Variants in DNAI7 observed in about 807,000 individuals in gnomAD.
DNAI7 encodes cancer susceptibility 1.
In DNAI7, 78 loss-of-function variants were observed where a neutral mutation model predicts 86.6. That is an observed-to-expected ratio of 0.90 (90% CI 0.75 to 1.09). The LOEUF (loss-of-function observed/expected upper bound fraction) is 1.09, where lower values mean the gene tolerates loss of function less well. DNAI7 is among the 50% of genes least tolerant of loss of function. DNAI7 has a pLI of 0.00. For missense variants in DNAI7, 753 were observed against 810.2 expected (o/e 0.93, Z 0.86); for synonymous variants, 274 against 273.0 (o/e 1.00, Z -0.04).
intron 9 of DNAI7, among the ~76,000 whole-genome samples, chr12:25,138,235 G>A (rs767110123): frequency 2.6e-5 from 4 of 152,158 alleles, no homozygotes; most frequent in Non-Finnish European, 2.9e-5. Flanking sequence ...AGGCCAAGAC[G>A]GGTGGATCAC....
At chr12:25,127,102 C>A (rs74705074) in intron 9 of DNAI7, among the ~76,000 whole-genome samples, 1 of 61,396 alleles carries the variant, frequency 1.6e-5, no homozygotes, top group African/African-American at 3.3e-5. Context: ...TCAATTGACT[C>A]TTTTTTGAAG....
At chr12:25,194,626 A>C (rs993987776) in intron 1 of DNAI7, among the ~76,000 whole-genome samples, 2 of 152,224 alleles carry the variant, frequency 1.3e-5, no homozygotes, top group Non-Finnish European at 2.9e-5. Flanking sequence ...TTGAATCACA[A>C]AACAATTCAT....
intron 9 of DNAI7, 79 bp from the exon 10 acceptor site, chr12:25,123,365 A>G (rs1319385197): frequency 4.7e-6 from 4 of 854,420 alleles, no homozygotes; most frequent in Non-Finnish European, 7.0e-6. Context: ...TCCAGTCCTC[A>G]CTTCAGATGC....
rs1462032362 is a variant in DNAI7, at chr12:25,123,223, T to C, written c.1066A>G (p.Thr356Ala). The change falls in exon 10 of 16, where the codon ACT becomes GCT. Residue 356 changes from threonine (T) to alanine (A), a missense_variant. Thr to Ala is a moderately conservative substitution (Grantham distance 58, BLOSUM62 0). Coordinates refer to ENST00000395987, the MANE Select transcript of DNAI7 (RefSeq NM_018272.5). ...TAATTTAGAATACCTGCTGAAACAG[T>C]TTCACTTAATACTTTCATCTCTCGT... is the stretch of plus-strand genomic sequence containing the variant. ...CEREMKVLSE[T>A]VSAAQLLLVE... The C allele has an allele frequency of 1.3e-6, 2 of 1,595,962 alleles. No homozygotes were observed. Among genetic ancestry groups the C allele is most frequent in the East Asian group, 2.3e-5 (1 of 44,420 alleles).
At chr12:25,169,507 C>A (rs561107727) in intron 2 of DNAI7, among the ~76,000 whole-genome samples, 10 of 152,234 alleles carry the variant, frequency 6.6e-5, no homozygotes, top group African/African-American at 2.4e-4. Flanking sequence ...TTCACACGGA[C>A]GAGAGTGAAA....
chr12:25,133,131 T>C (rs1403885018), intron 9 of DNAI7, among the ~76,000 whole-genome samples: 2 of 151,662 alleles, frequency 1.3e-5, no homozygotes, highest in African/African-American at 4.8e-5. Context: ...ATAGTTCAGT[T>C]TGTTTTTATA....
chr12:25,136,041 C>T (rs1208367771), intron 9 of DNAI7, among the ~76,000 whole-genome samples: 3 of 152,174 alleles, frequency 2.0e-5, no homozygotes, highest in East Asian at 3.9e-4. Flanking sequence ...CCCACACTAC[C>T]GCAGCTGATG....
At chr12:25,107,472 A>T (rs764658315), downstream of DNAI7, among the ~76,000 whole-genome samples, 23 of 152,220 alleles carry the variant, frequency 1.5e-4, no homozygotes, top group Non-Finnish European at 3.1e-4. Context: ...GTACATACAC[A>T]GACATCCACT....
intron 9 of DNAI7, among the ~76,000 whole-genome samples, chr12:25,124,708 A>T (rs552234205): frequency 1.3e-5 from 2 of 152,088 alleles, no homozygotes; most frequent in African/African-American, 4.8e-5. Flanking sequence ...TGTACAGATT[A>T]TCTCATCACC....
intron 9 of DNAI7, among the ~76,000 whole-genome samples, chr12:25,129,912 G>T (rs1475702038): frequency 6.6e-6 from 1 of 151,890 alleles, no homozygotes; most frequent in South Asian, 2.1e-4. Context: ...ACAGGTACCT[G>T]CCACCATACC....
rs750417970 is a variant in DNAI7 at position 25,119,262 on chromosome 12, C to T, written c.1279G>A (p.Glu427Lys). Residue 427 changes from glutamate (E) to lysine (K), a missense_variant, in exon 12 of 16, where the codon GAA becomes AAA. Transcript: ENST00000395987. Reference sequence around the variant, plus strand: ...TCTGTCTCAAACTCTTCTGTAGTTTCCGGAGGATATGTGTATTTCTGTAAT... The same window carrying T: ...TCTGTCTCAAACTCTTCTGTAGTTTTCGGAGGATATGTGTATTTCTGTAAT... ...EGLQKYTYPP[E>K]TTEEFETENA... The T allele has an allele frequency of 1.3e-5, 21 of 1,611,852 alleles. No homozygotes were observed. The highest frequency in any genetic ancestry group is 1.7e-4 in the Middle Eastern group (1 of 6,056).
At chr12:25,180,128 C>T (rs1350040521) in intron 2 of DNAI7, among the ~76,000 whole-genome samples, 1 of 152,182 alleles carries the variant, frequency 6.6e-6, no homozygotes, top group Non-Finnish European at 1.5e-5. Context: ...AGTAGCATTT[C>T]TACACACCAA....
chr12:25,113,441 A>G (rs1939404539), intron 13 of DNAI7, among the ~76,000 whole-genome samples: 1 of 152,084 alleles, frequency 6.6e-6, no homozygotes, highest in African/African-American at 2.4e-5. Context: ...AGCTAAGACT[A>G]CAGGCGTGTG....
downstream of DNAI7, chr12:25,108,033 C>A (rs1290984628): frequency 1.2e-6 from 2 of 1,613,890 alleles, no homozygotes; most frequent in Middle Eastern, 1.6e-4. Context: ...TTACCAGACT[C>A]CGACACAATG....
At chr12:25,144,115 G>T (rs1020087152) in intron 9 of DNAI7, among the ~76,000 whole-genome samples, 3 of 152,150 alleles carry the variant, frequency 2.0e-5, no homozygotes, top group African/African-American at 7.2e-5. Flanking sequence ...AAGCTGCCCG[G>T]TTGTGCACCT....
intron 15 of DNAI7, 119 bp downstream of exon 15, chr12:25,110,008 A>T (rs1949675516): frequency 1.6e-6 from 1 of 616,322 alleles, no homozygotes; most frequent in South Asian, 2.0e-5. Context: ...TTCCGTATTG[A>T]ATGTTAATTT....
At chr12:25,132,149 A>G (rs1009836764) in intron 9 of DNAI7, among the ~76,000 whole-genome samples, 1 of 152,132 alleles carries the variant, frequency 6.6e-6, no homozygotes, top group Non-Finnish European at 1.5e-5. Flanking sequence ...AATGGGAAAT[A>G]CATCGTTTCA....
chr12:25,132,910 T>G (rs986954212), intron 9 of DNAI7, among the ~76,000 whole-genome samples: 1 of 152,118 alleles, frequency 6.6e-6, no homozygotes, highest in Non-Finnish European at 1.5e-5. Context: ...GTCATGTACG[T>G]TGAAATATTT....
intron 2 of DNAI7, among the ~76,000 whole-genome samples, chr12:25,171,288 A>G (rs767204910): frequency 2.0e-5 from 3 of 152,198 alleles, no homozygotes; most frequent in Non-Finnish European, 4.4e-5. Context: ...ATGAAATGGG[A>G]GATATTACAA....
Sources: gnomAD v4.1 joint callset for allele counts (sites outside exome capture counted in the v4.1 genomes callset) on GRCh38, gnomAD v4.1.1 for gene constraint, MANE v1.5 for transcripts, NCBI Gene and HGNC (gene_info 2026-07-23, HGNC 2026-07-21) for gene names.